The following CNTN5 variants were observed in gnomAD, a reference collection of about 807,000 sequenced individuals.
CNTN5 encodes the protein contactin 5.
A neutral mutation model predicts 129.1 loss-of-function variants in CNTN5; 77 were observed. The ratio of observed to expected loss-of-function variants is 0.60; its 90% CI spans 0.50 to 0.72. The LOEUF (loss-of-function observed/expected upper bound fraction) is 0.72, where lower values mean the gene tolerates loss of function less well. Ranked by LOEUF, CNTN5 falls within the 30% of genes least tolerant of loss-of-function variation. The pLI, the probability that CNTN5 is intolerant of heterozygous loss-of-function variation, is 0.00. For missense variants in CNTN5, 1,478 were observed against 1,328.8 expected (o/e 1.11, Z -1.75); for synonymous variants, 509 against 465.6 (o/e 1.09, Z -1.20).
At chr11:99,558,665 A>G (rs1337379327) in intron 3 of CNTN5, among the ~76,000 whole-genome samples, 1 of 152,074 alleles carries the variant, frequency 6.6e-6, no homozygotes, top group East Asian at 1.9e-4. Flanking sequence ...TGATCCCTAG[A>G]TTTCCAGCTA....
Position 99,114,412 on chromosome 11 carries a change from T to A in CNTN5, c.-210+93142T>A, listed in dbSNP as rs1857943816. ...TCTTCTTCTTCTCCTTTTCCTTCCTTCTCTTTCTCCTTCTCCTCCTCCTCC... is the reference window on the plus strand; with the variant it reads ...TCTTCTTCTTCTCCTTTTCCTTCCTACTCTTTCTCCTTCTCCTCCTCCTCC... On this transcript the variant is annotated intron_variant, in intron 1 of 24. Transcript: ENST00000524871. 1.3e-5 allele frequency among the ~76,000 whole-genome samples: 2 copies of A among 151,780 alleles called. 1 individual carries two copies. The highest frequency in any genetic ancestry group is 4.8e-5 in the African/African-American group (2 of 41,348).
At chr11:100,203,827 C>CACACACACAT (rs1302696262) in intron 15 of CNTN5, among the ~76,000 whole-genome samples, 2 of 151,566 alleles carry the variant, frequency 1.3e-5, no homozygotes, top group African/African-American at 4.8e-5. Flanking sequence ...CACACACACA[C>CACACACACAT]ACACTGCCCC....
rs572263238 is a variant in CNTN5 at position 99,032,578 on chromosome 11, C to T, written c.-210+11308C>T. On this transcript the variant is annotated intron_variant, in intron 1 of 24. Coordinates refer to ENST00000524871, the MANE Select transcript of CNTN5 (RefSeq NM_014361.4). Reference sequence around the variant, plus strand: ...CATAAATGTCTTCTTTTGAGAAGTGCCTGTTCATGTCCTTCACCCACTTTT... The same window carrying T: ...CATAAATGTCTTCTTTTGAGAAGTGTCTGTTCATGTCCTTCACCCACTTTT... Among the ~76,000 whole-genome samples, 416 of 152,010 alleles carry T rather than the reference C, an allele frequency of 2.7e-3. 2 individuals are homozygous for T. Among genetic ancestry groups the T allele is most frequent in the Middle Eastern group, 0.01 (3 of 292 alleles).
At chr11:100,241,731 G>T (rs374899653) in intron 16 of CNTN5, among the ~76,000 whole-genome samples, 1 of 152,186 alleles carries the variant, frequency 6.6e-6, no homozygotes, top group East Asian at 1.9e-4. Flanking sequence ...TTTTGCTTTT[G>T]CTTACAATGC....
At chr11:99,127,825 T>C (rs1251225079) in intron 1 of CNTN5, among the ~76,000 whole-genome samples, 2 of 152,196 alleles carry the variant, frequency 1.3e-5, no homozygotes, top group African/African-American at 4.8e-5. Context: ...GTATCCTCCA[T>C]TAACGTCTTT....
intron 3 of CNTN5, among the ~76,000 whole-genome samples, chr11:99,728,464 G>A (rs775179267): frequency 6.6e-6 from 1 of 152,080 alleles, no homozygotes. Context: ...AGTTACTGAT[G>A]ATAATATTTA....
chr11:99,524,159 A>T (rs1227717482), intron 2 of CNTN5, among the ~76,000 whole-genome samples: 1 of 152,198 alleles, frequency 6.6e-6, no homozygotes, highest in Admixed American at 6.5e-5. Context: ...CCATAGCAAC[A>T]GGCAGAAAAT....
chr11:99,432,760 A>C (rs2135112885), intron 2 of CNTN5, among the ~76,000 whole-genome samples: 1 of 152,062 alleles, frequency 6.6e-6, no homozygotes, highest in Middle Eastern at 3.4e-3. Context: ...AAATTACTGT[A>C]ATGAAAGGGA....
chr11:99,489,933 A>T (rs1945970649), intron 2 of CNTN5, among the ~76,000 whole-genome samples: 1 of 152,210 alleles, frequency 6.6e-6, no homozygotes, highest in South Asian at 2.1e-4. Flanking sequence ...TTTGCATATT[A>T]TGGGGGATTG....
chr11:100,037,620 C>G (rs1942095129), intron 9 of CNTN5, among the ~76,000 whole-genome samples: 1 of 152,148 alleles, frequency 6.6e-6, no homozygotes, highest in African/African-American at 2.4e-5. Flanking sequence ...GCTTGGTAAA[C>G]TATTGATTAT....
chr11:99,768,838 G>A (rs1944846878), intron 3 of CNTN5, among the ~76,000 whole-genome samples: 1 of 152,012 alleles, frequency 6.6e-6, no homozygotes, highest in Non-Finnish European at 1.5e-5. Context: ...AAGTAGTAAT[G>A]TCCAGTGATA....
chr11:99,477,297 ATAGT>A (rs1160593986), intron 2 of CNTN5, among the ~76,000 whole-genome samples: 1 of 151,976 alleles, frequency 6.6e-6, no homozygotes, highest in Non-Finnish European at 1.5e-5. Flanking sequence ...CATTTTCTGT[ATAGT>A]TATTTTCTAA....
At chr11:99,563,292 T>C (rs1200182521) in intron 3 of CNTN5, among the ~76,000 whole-genome samples, 1 of 152,178 alleles carries the variant, frequency 6.6e-6, no homozygotes, top group East Asian at 1.9e-4. Context: ...TGTGAATTGG[T>C]TAGTAGAAGA....
intron 2 of CNTN5, among the ~76,000 whole-genome samples, chr11:99,439,863 T>C (rs555149673): frequency 2.6e-5 from 4 of 152,082 alleles, no homozygotes; most frequent in Non-Finnish European, 5.9e-5. Flanking sequence ...ATGAAATACA[T>C]TAGTATTTGG....
intron 9 of CNTN5, among the ~76,000 whole-genome samples, chr11:100,044,190 T>C (rs887546195): frequency 1.3e-5 from 2 of 152,040 alleles, no homozygotes; most frequent in Non-Finnish European, 2.9e-5. Flanking sequence ...ATATACGTGA[T>C]ATGTATATAT....
At chr11:99,583,231 C>G (rs536063810) in intron 3 of CNTN5, among the ~76,000 whole-genome samples, 95 of 152,278 alleles carry the variant, frequency 6.2e-4, no homozygotes, top group African/African-American at 2.2e-3. Context: ...TTAGTCTGCC[C>G]CTAATTGGGG....
At chr11:99,814,181 G>T (rs1263024675) in intron 3 of CNTN5, among the ~76,000 whole-genome samples, 1 of 152,114 alleles carries the variant, frequency 6.6e-6, no homozygotes, top group Non-Finnish European at 1.5e-5. Flanking sequence ...CAAATACAGG[G>T]ATTGGCCTTT....
intron 2 of CNTN5, among the ~76,000 whole-genome samples, chr11:99,341,046 T>G (rs1454233839): frequency 6.6e-6 from 1 of 152,192 alleles, no homozygotes; most frequent in Admixed American, 6.5e-5. Flanking sequence ...ATAAAGCATT[T>G]GCTGGCAAAT....
In CNTN5 at chr11:99,535,546, G is replaced by A. The variant is rs1947869536; in HGVS notation, c.-70-20599G>A. 2.0e-5 allele frequency among the ~76,000 whole-genome samples: 3 copies of A among 152,126 alleles called. 1 individual carries two copies. The South Asian group carries it at 6.2e-4, about 31-fold the overall frequency. On this transcript the variant is annotated intron_variant, in intron 2 of 24. Transcript: ENST00000524871. ...ATGGGGAGCTCTATTCAGAGACTCT[G>A]ATTCAATTGGTCTGGAGTAAGACCT...
Sources: gnomAD v4.1 joint callset for allele counts (sites outside exome capture counted in the v4.1 genomes callset) on GRCh38, gnomAD v4.1.1 for gene constraint, MANE v1.5 for transcripts, NCBI Gene and HGNC (gene_info 2026-07-23, HGNC 2026-07-21) for gene names.